The following CATSPERE variants were observed in gnomAD, a reference collection of about 807,000 sequenced individuals.
CATSPERE encodes cation channel sperm-associated auxiliary subunit epsilon.
In CATSPERE, 93 loss-of-function variants were observed where a neutral mutation model predicts 114.1. The observed-to-expected ratio is 0.81, with a 90% CI of 0.69 to 0.97. The LOEUF is 0.97. CATSPERE is among the 50% of genes least tolerant of loss of function. The pLI, the probability that CATSPERE is intolerant of heterozygous loss-of-function variation, is 0.00. For missense variants in CATSPERE, 1,058 were observed against 1,131.6 expected (o/e 0.93, Z 0.93); for synonymous variants, 341 against 384.1 (o/e 0.89, Z 1.31).
intron 8 of CATSPERE, among the ~76,000 whole-genome samples, chr1:244,544,758 T>C (rs1042994690): frequency 6.6e-6 from 1 of 152,190 alleles, no homozygotes. Flanking sequence ...GGACAGTGGG[T>C]TGTCATATGC....
At chr1:244,521,106 C>A (rs1677470244) in intron 8 of CATSPERE, among the ~76,000 whole-genome samples, 1 of 152,146 alleles carries the variant, frequency 6.6e-6, no homozygotes, top group Non-Finnish European at 1.5e-5. Context: ...TTAATCCCAG[C>A]ACTTTGGGAG....
chr1:244,541,218 C>A (rs1342273854), intron 8 of CATSPERE, among the ~76,000 whole-genome samples: 2 of 150,906 alleles, frequency 1.3e-5, no homozygotes, highest in East Asian at 3.9e-4. Flanking sequence ...AGTGAACAGG[C>A]AACCTACAAA....
rs1170518121 is a variant in CATSPERE, at chr1:244,580,289, G to A, written c.1951-1507G>A. Among the ~76,000 whole-genome samples the A allele has an allele frequency of 3.4e-5, 5 of 147,020 alleles. No individual in the cohort carries two copies. The East Asian group carries it at 1.0e-3, about 30-fold the overall frequency. ...GCTGGTCTTGAACTCCTAACCTCAA[G>A]TGATCTCTTCGATAGGGCACTTTTT... On this transcript the variant is annotated intron_variant, in intron 11 of 21. Coordinates refer to ENST00000366534, the MANE Select transcript of CATSPERE (RefSeq NM_001130957.2).
At chr1:244,494,587 A>T (rs1672796344) in intron 6 of CATSPERE, among the ~76,000 whole-genome samples, 1 of 151,668 alleles carries the variant, frequency 6.6e-6, no homozygotes, top group Non-Finnish European at 1.5e-5. Context: ...ATGTACCCTA[A>T]AACTTAAAGT....
intron 8 of CATSPERE, among the ~76,000 whole-genome samples, chr1:244,522,610 A>G (rs1303897475): frequency 6.6e-6 from 1 of 152,098 alleles, no homozygotes; most frequent in African/African-American, 2.4e-5. Flanking sequence ...AGAAAAAAAG[A>G]GAGAAGAATC....
chr1:244,545,983 C>G (rs1431463891), intron 8 of CATSPERE, among the ~76,000 whole-genome samples: 3 of 152,188 alleles, frequency 2.0e-5, no homozygotes. Flanking sequence ...GCTTTGCATG[C>G]TATGCAGCAG....
chr1:244,465,514 TA>T (rs1398706655), intron 2 of CATSPERE, among the ~76,000 whole-genome samples: 1 of 152,224 alleles, frequency 6.6e-6, no homozygotes, highest in African/African-American at 2.4e-5. Flanking sequence ...CAGAATCTAT[TA>T]AACAACTCAC....
chr1:244,572,911 C>A (rs2148578883), intron 11 of CATSPERE, 139 bp downstream of exon 11: 1 of 634,164 alleles, frequency 1.6e-6, no homozygotes, highest in Non-Finnish European at 2.5e-6. Flanking sequence ...TAAATAAAAA[C>A]ACAATAAGCC....
intron 5 of CATSPERE, among the ~76,000 whole-genome samples, chr1:244,485,688 A>AT (rs1295709738): frequency 1.2e-3 from 165 of 141,406 alleles, no homozygotes; most frequent in African/African-American, 4.2e-3. Context: ...CCATGTCTAA[A>AT]TTTTGTTTTT....
intron 20 of CATSPERE, among the ~76,000 whole-genome samples, chr1:244,623,218 C>T (rs1214199313): frequency 6.6e-6 from 1 of 152,082 alleles, no homozygotes; most frequent in African/African-American, 2.4e-5. Flanking sequence ...GCTGAGACTA[C>T]AGGCACCTGC....
At chr1:244,605,908 GA>G (rs897240358) in intron 18 of CATSPERE, 114 bp downstream of exon 18, 73 of 579,080 alleles carry the variant, frequency 1.3e-4, no homozygotes, top group African/African-American at 1.2e-3. Flanking sequence ...CAGTGGGTAG[GA>G]AAAAAATCAC....
At chr1:244,617,254 G>T (rs1473740983) in intron 19 of CATSPERE, among the ~76,000 whole-genome samples, 1 of 152,070 alleles carries the variant, frequency 6.6e-6, no homozygotes, top group Non-Finnish European at 1.5e-5. Flanking sequence ...GGAACATTTT[G>T]TATTTTGTTG....
In CATSPERE at chr1:244,606,759, A is replaced by G. The variant is rs186673960; in HGVS notation, c.2403+965A>G. Among the ~76,000 whole-genome samples, 380 of 151,672 alleles carry G rather than the reference A, an allele frequency of 2.5e-3. 5 individuals carry two copies. The highest frequency in any genetic ancestry group is 0.014 in the East Asian group (71 of 5,150). ...TGGGACTACAGGCACATGCCACTAC[A>G]CCTGGCTAATTTTTGTATTTTTAGT... On this transcript the variant is annotated intron_variant, in intron 18 of 21. Coordinates refer to ENST00000366534, the MANE Select transcript of CATSPERE (RefSeq NM_001130957.2).
At chr1:244,480,634 T>C (rs1424347540) in intron 5 of CATSPERE, among the ~76,000 whole-genome samples, 3 of 55,748 alleles carry the variant, frequency 5.4e-5, no homozygotes, top group Non-Finnish European at 1.2e-4. Context: ...TAAAGCATGG[T>C]TGTTGCTGAT....
intron 7 of CATSPERE, among the ~76,000 whole-genome samples, chr1:244,507,982 A>AT (rs1006128941): frequency 6.6e-5 from 10 of 150,566 alleles, no homozygotes; most frequent in Admixed American, 2.0e-4. Flanking sequence ...GAATTTTAGG[A>AT]TTTTTTTTTC....
intron 8 of CATSPERE, among the ~76,000 whole-genome samples, chr1:244,533,156 CTGATA>C (rs58739517): frequency 0.13 from 19,516 of 151,868 alleles, 2,170 homozygotes; most frequent in African/African-American, 0.3. Flanking sequence ...TCTATTTTGT[CTGATA>C]TAAGTATAGC....
chr1:244,480,354 C>T (rs979477806), intron 5 of CATSPERE, among the ~76,000 whole-genome samples: 4 of 152,106 alleles, frequency 2.6e-5, no homozygotes, highest in African/African-American at 7.2e-5. Flanking sequence ...ATCATAGTCT[C>T]GGCAACATCC....
intron 5 of CATSPERE, among the ~76,000 whole-genome samples, chr1:244,489,779 C>T (rs140471177): frequency 3.6e-4 from 54 of 152,076 alleles, no homozygotes; most frequent in Admixed American, 5.2e-4. Context: ...CTCCACTTTA[C>T]GCCTGAGTTG....
intron 8 of CATSPERE, among the ~76,000 whole-genome samples, chr1:244,519,700 A>C (rs1333553783): frequency 6.6e-6 from 1 of 152,218 alleles, no homozygotes; most frequent in East Asian, 1.9e-4. Flanking sequence ...GGCCAACCAC[A>C]ACCCTGAACT....
Sources: allele counts gnomAD v4.1 joint callset (sites outside exome capture counted in the v4.1 genomes callset), GRCh38; gene constraint gnomAD v4.1.1; transcripts MANE v1.5; gene names NCBI Gene and HGNC (gene_info 2026-07-23, HGNC 2026-07-21).